The following FAM227B variants were observed in gnomAD, a reference collection of about 807,000 sequenced individuals.
The protein encoded by FAM227B is family with sequence similarity 227 member B.
A neutral mutation model predicts 73.8 loss-of-function variants in FAM227B; 88 were observed. The ratio of observed to expected loss-of-function variants is 1.19; its 90% CI spans 1.00 to 1.42. The LOEUF (loss-of-function observed/expected upper bound fraction) is 1.42. Among genes scored for constraint, FAM227B ranks in the 40% most tolerant of loss-of-function variants. The pLI is 0.00. For synonymous variants in FAM227B, 210 were observed against 190.5 expected (o/e 1.10, Z -0.84); for missense variants, 632 against 590.9 (o/e 1.07, Z -0.72).
intron 13 of FAM227B, among the ~76,000 whole-genome samples, chr15:49,336,014 T>G (rs1163998916): frequency 6.6e-6 from 1 of 152,162 alleles, no homozygotes; most frequent in African/African-American, 2.4e-5. Flanking sequence ...TTGCCCAGAC[T>G]GGTCTTGAAC....
chr15:49,471,321 C>T (rs1035701472), intron 11 of FAM227B, among the ~76,000 whole-genome samples: 2 of 151,694 alleles, frequency 1.3e-5, no homozygotes, highest in African/African-American at 4.8e-5. Flanking sequence ...CCCTCCTCTA[C>T]TAAAAATACA....
At chr15:49,463,427 G>A (rs372719286) in intron 11 of FAM227B, among the ~76,000 whole-genome samples, 3 of 151,730 alleles carry the variant, frequency 2.0e-5, no homozygotes, top group Non-Finnish European at 2.9e-5. Context: ...GGTGATGGGC[G>A]CCTGTAATCC....
At chr15:49,388,726 A>C (rs1180902784) in intron 11 of FAM227B, among the ~76,000 whole-genome samples, 1 of 152,034 alleles carries the variant, frequency 6.6e-6, no homozygotes, top group Non-Finnish European at 1.5e-5. Context: ...AAATATTTGC[A>C]AACTACACAT....
At chr15:49,575,674 T>C (rs959670358) in intron 7 of FAM227B, among the ~76,000 whole-genome samples, 4 of 152,156 alleles carry the variant, frequency 2.6e-5, no homozygotes, top group African/African-American at 9.7e-5. Flanking sequence ...CTAGTAGATA[T>C]TGAAAGGACA....
At chr15:49,588,546 A>AATAT (rs1567647114) in intron 4 of FAM227B, among the ~76,000 whole-genome samples, 6 of 41,494 alleles carry the variant, frequency 1.4e-4, no homozygotes, top group South Asian at 8.0e-4. Context: ...CATATTGAGG[A>AATAT]CTATATATAT....
At chr15:49,543,445 C>T (rs1389536184) in intron 9 of FAM227B, among the ~76,000 whole-genome samples, 2 of 152,002 alleles carry the variant, frequency 1.3e-5, no homozygotes, top group Non-Finnish European at 2.9e-5. Flanking sequence ...ATGTTTGCAC[C>T]GACTCAGGAG....
At chr15:49,477,966 G>T (rs900719691) in intron 11 of FAM227B, among the ~76,000 whole-genome samples, 6 of 152,082 alleles carry the variant, frequency 3.9e-5, no homozygotes, top group African/African-American at 7.2e-5. Flanking sequence ...ACATGTGCAG[G>T]TCTGTTACCT....
intron 14 of FAM227B, among the ~76,000 whole-genome samples, chr15:49,332,060 C>T (rs1479852885): frequency 6.6e-6 from 1 of 150,690 alleles, no homozygotes; most frequent in East Asian, 2.0e-4. Context: ...GGTTCAGACA[C>T]CCACCCCCGC....
At chr15:49,558,000 C>T (rs1163088601) in intron 9 of FAM227B, among the ~76,000 whole-genome samples, 1 of 152,172 alleles carries the variant, frequency 6.6e-6, no homozygotes, top group Non-Finnish European at 1.5e-5. Flanking sequence ...CCCACCCCAA[C>T]CTGAACCTGG....
At position 49,417,762 on chromosome 15, in the gene FAM227B, C is replaced by T. The variant is rs570626684; in HGVS notation, c.1013-46363G>A. Among the ~76,000 whole-genome samples, 4 of 152,196 alleles carry T rather than the reference C, an allele frequency of 2.6e-5. No individual in the cohort carries two copies. In the South Asian group the frequency reaches 8.3e-4, roughly 32 times the overall value. On this transcript the variant is annotated intron_variant, in intron 11 of 15. Transcript: ENST00000299338. ...ATACCATTCTGGACATAGGAACTAG[C>T]AAAGATTTCATGACAAACATGCCAA...
chr15:49,464,618 A>T (rs573533938), intron 11 of FAM227B, among the ~76,000 whole-genome samples: 3 of 152,332 alleles, frequency 2.0e-5, no homozygotes, highest in Middle Eastern at 3.4e-3. Context: ...AAAGTCACTG[A>T]ATAATGATTT....
At chr15:49,543,804 G>A (rs988353077) in intron 9 of FAM227B, among the ~76,000 whole-genome samples, 3 of 152,106 alleles carry the variant, frequency 2.0e-5, no homozygotes, top group African/African-American at 4.8e-5. Context: ...AGATCAGTTG[G>A]CTGTAAGTAT....
chr15:49,438,754 T>C (rs2051337956), intron 11 of FAM227B, among the ~76,000 whole-genome samples: 2 of 151,778 alleles, frequency 1.3e-5, no homozygotes, highest in South Asian at 4.1e-4. Context: ...ATTTGTTTTA[T>C]AAATATAAAT....
chr15:49,554,804 A>T (rs2073459104), intron 9 of FAM227B, among the ~76,000 whole-genome samples: 1 of 152,100 alleles, frequency 6.6e-6, no homozygotes. Flanking sequence ...TTTTCTGTGT[A>T]GATAGTTGTT....
At chr15:49,407,491 C>T (rs930073314) in intron 11 of FAM227B, among the ~76,000 whole-genome samples, 1 of 152,054 alleles carries the variant, frequency 6.6e-6, no homozygotes, top group African/African-American at 2.4e-5. Flanking sequence ...TCGGTGGCAG[C>T]TGTTCCACCT....
chr15:49,495,440 T>C (rs2057514216), intron 11 of FAM227B, among the ~76,000 whole-genome samples: 1 of 152,214 alleles, frequency 6.6e-6, no homozygotes. Flanking sequence ...TCATATAGTC[T>C]TTCTCTACAC....
At chr15:49,452,809 T>A (rs1022781717) in intron 11 of FAM227B, among the ~76,000 whole-genome samples, 2 of 152,156 alleles carry the variant, frequency 1.3e-5, no homozygotes, top group African/African-American at 4.8e-5. Flanking sequence ...CAGCACAGGG[T>A]GCAGGATAAT....
chr15:49,535,561 C>A (rs933911470), intron 10 of FAM227B, among the ~76,000 whole-genome samples: 1 of 151,800 alleles, frequency 6.6e-6, no homozygotes, highest in African/African-American at 2.4e-5. Flanking sequence ...CTCCCAAACA[C>A]ACTTAGTGAG....
chr15:49,349,963 T>C (rs1180840394), intron 13 of FAM227B, among the ~76,000 whole-genome samples: 1 of 152,170 alleles, frequency 6.6e-6, no homozygotes, highest in Non-Finnish European at 1.5e-5. Context: ...AGATGGGAAA[T>C]TAACTTTGTT....
Sources: gnomAD v4.1 joint callset for allele counts (sites outside exome capture counted in the v4.1 genomes callset) on GRCh38, gnomAD v4.1.1 for gene constraint, MANE v1.5 for transcripts, NCBI Gene and HGNC (gene_info 2026-07-23, HGNC 2026-07-21) for gene names.